Variants in FSTL5 observed in about 807,000 individuals in gnomAD.
FSTL5 encodes follistatin-related protein 5.
A neutral mutation model predicts 89.1 loss-of-function variants in FSTL5; 62 were observed. The ratio of observed to expected loss-of-function variants is 0.70; its 90% CI spans 0.57 to 0.86. FSTL5 has a LOEUF of 0.86. Ranked by LOEUF, FSTL5 falls within the 40% of genes least tolerant of loss-of-function variation. FSTL5 has a pLI of 0.00. For synonymous variants in FSTL5, 383 were observed against 346.2 expected, an observed-to-expected ratio of 1.11 and a Z score of -1.18; for missense variants, 1,057 against 1,001.6, an observed-to-expected ratio of 1.06 and a Z score of -0.75.
At chr4:161,818,187 C>T (rs944096317) in intron 4 of FSTL5, among the ~76,000 whole-genome samples, 28 of 152,272 alleles carry the variant, frequency 1.8e-4, no homozygotes, top group Middle Eastern at 3.4e-3. Context: ...CAGGCCACCC[C>T]ACCAGTAGAA....
chr4:161,486,092 C>T (rs549256918), intron 12 of FSTL5, among the ~76,000 whole-genome samples: 2 of 143,386 alleles, frequency 1.4e-5, no homozygotes, highest in Non-Finnish European at 3.0e-5. Context: ...TGCAGTGAGC[C>T]GAGATCGCAG....
intron 6 of FSTL5, among the ~76,000 whole-genome samples, chr4:161,724,806 A>T (rs539493682): frequency 1.1e-4 from 16 of 152,218 alleles, no homozygotes; most frequent in Non-Finnish European, 2.4e-4. Flanking sequence ...GAAACATAAG[A>T]TTTAATATAA....
chr4:162,037,453 G>A (rs1159069594), intron 2 of FSTL5, among the ~76,000 whole-genome samples: 1 of 151,914 alleles, frequency 6.6e-6, no homozygotes, highest in Admixed American at 6.6e-5. Flanking sequence ...TAGGTGAGAA[G>A]AATCACACAT....
intron 7 of FSTL5, among the ~76,000 whole-genome samples, chr4:161,596,405 G>C (rs1423076462): frequency 6.6e-6 from 1 of 151,758 alleles, no homozygotes; most frequent in Non-Finnish European, 1.5e-5. Context: ...TAAAACAGCT[G>C]CATTCTCTGG....
chr4:161,714,139 C>A (rs1738894829), intron 6 of FSTL5, among the ~76,000 whole-genome samples: 1 of 152,118 alleles, frequency 6.6e-6, no homozygotes, highest in South Asian at 2.1e-4. Flanking sequence ...TTTCTCAAAA[C>A]ACTCTTTGTG....
chr4:162,119,289 T>C (rs931818096), intron 1 of FSTL5, among the ~76,000 whole-genome samples: 8 of 151,682 alleles, frequency 5.3e-5, no homozygotes, highest in African/African-American at 1.9e-4. Flanking sequence ...GTACAAGAAC[T>C]ATCTGCACAG....
At chr4:161,752,536 G>C (rs1306240212) in intron 6 of FSTL5, among the ~76,000 whole-genome samples, 4 of 152,120 alleles carry the variant, frequency 2.6e-5, no homozygotes, top group Non-Finnish European at 4.4e-5. Flanking sequence ...AAAGTCTCAT[G>C]ACCAGAGTTA....
chr4:161,729,523 A>G (rs1159075590), intron 6 of FSTL5, among the ~76,000 whole-genome samples: 1 of 152,156 alleles, frequency 6.6e-6, no homozygotes, highest in African/African-American at 2.4e-5. Flanking sequence ...GATGGTAATT[A>G]CCACTTCATC....
At chr4:161,669,700 T>C (rs1473102703) in intron 6 of FSTL5, among the ~76,000 whole-genome samples, 1 of 152,108 alleles carries the variant, frequency 6.6e-6, no homozygotes, top group Admixed American at 6.6e-5. Context: ...TAGATGATAA[T>C]TGGAGAAAAC....
chr4:161,449,174 T>C (rs957094901), intron 15 of FSTL5, among the ~76,000 whole-genome samples: 3 of 152,134 alleles, frequency 2.0e-5, no homozygotes, highest in South Asian at 2.1e-4. Context: ...CTGCTTATCA[T>C]GTAATCACTG....
chr4:162,029,906 CTTTTT>C (rs67266989), intron 3 of FSTL5, among the ~76,000 whole-genome samples: 2 of 144,124 alleles, frequency 1.4e-5, no homozygotes, highest in African/African-American at 2.5e-5. Flanking sequence ...AAATTATTTC[CTTTTT>C]TTTTTTTTTT....
chr4:161,883,825 A>T (rs992799806), intron 4 of FSTL5, among the ~76,000 whole-genome samples: 14 of 152,272 alleles, frequency 9.2e-5, no homozygotes, highest in Middle Eastern at 3.4e-3. Flanking sequence ...AAGACTCAAA[A>T]GTTGACAGTT....
At chr4:162,149,668 TAA>T in intron 1 of FSTL5, among the ~76,000 whole-genome samples, 1 of 151,868 alleles carries the variant, frequency 6.6e-6, no homozygotes, top group East Asian at 1.9e-4. Context: ...AAATAAAAAA[TAA>T]AAAAAGTCCA....
At chr4:161,648,890 G>A (rs1736240544) in intron 7 of FSTL5, among the ~76,000 whole-genome samples, 1 of 152,134 alleles carries the variant, frequency 6.6e-6, no homozygotes, top group African/African-American at 2.4e-5. Flanking sequence ...TCCTGAATGT[G>A]TACATAACAG....
intron 6 of FSTL5, among the ~76,000 whole-genome samples, chr4:161,741,917 G>A (rs1740042603): frequency 6.6e-6 from 1 of 151,932 alleles, no homozygotes; most frequent in African/African-American, 2.4e-5. Flanking sequence ...TTTTTAATAA[G>A]TAGGCAAGTC....
chr4:161,944,640 A>G (rs1353530431), intron 3 of FSTL5, among the ~76,000 whole-genome samples: 2 of 151,854 alleles, frequency 1.3e-5, no homozygotes, highest in African/African-American at 4.8e-5. Context: ...ATATATATGT[A>G]TATGTATATT....
intron 5 of FSTL5, among the ~76,000 whole-genome samples, chr4:161,764,112 C>A (rs565336949): frequency 2.1e-3 from 321 of 152,240 alleles, no homozygotes; most frequent in African/African-American, 7.4e-3. Context: ...CTGGAAACAG[C>A]AATCTAATTA....
At chr4:161,971,139 C>A (rs1735470618) in intron 3 of FSTL5, among the ~76,000 whole-genome samples, 1 of 152,034 alleles carries the variant, frequency 6.6e-6, no homozygotes, top group Non-Finnish European at 1.5e-5. Flanking sequence ...TTGTATATTT[C>A]ATTCATATAA....
intron 7 of FSTL5, among the ~76,000 whole-genome samples, chr4:161,651,512 T>A (rs1736343090): frequency 6.6e-6 from 1 of 150,652 alleles, no homozygotes; most frequent in Non-Finnish European, 1.5e-5. Flanking sequence ...GAAACAAATA[T>A]AAGAAGGAAG....
Sources: gnomAD v4.1 joint callset for allele counts (sites outside exome capture counted in the v4.1 genomes callset) on GRCh38, gnomAD v4.1.1 for gene constraint, MANE v1.5 for transcripts, NCBI Gene and HGNC (gene_info 2026-07-23, HGNC 2026-07-21) for gene names.